FZD6: variants seen among roughly 807,000 people sequenced by gnomAD.
FZD6 encodes the protein frizzled class receptor 6, also known as frizzled-6.
A neutral mutation model predicts 61.4 loss-of-function variants in FZD6; 49 were observed. The observed-to-expected ratio is 0.80, with a 90% CI of 0.63 to 1.01. The LOEUF is 1.01. Among genes scored for constraint, FZD6 ranks in the 50% least tolerant of loss-of-function variants. The probability of loss-of-function intolerance (pLI) is 0.00; values close to 1 mark genes in which losing one functional copy is unlikely to be tolerated. For synonymous variants in FZD6, 265 were observed against 292.2 expected, an observed-to-expected ratio of 0.91 and a Z score of 0.95; for missense variants, 724 against 848.2, an observed-to-expected ratio of 0.85 and a Z score of 1.82.
chr8:103,300,510 GAA>G (rs1563682860), intron 2 of FZD6, among the ~76,000 whole-genome samples: 1 of 152,116 alleles, frequency 6.6e-6, no homozygotes, highest in Non-Finnish European at 1.5e-5. Flanking sequence ...TTTATATAAT[GAA>G]GTATGGTTAC....
At chr8:103,327,527 C>T (rs1443167823) in intron 4 of FZD6, among the ~76,000 whole-genome samples, 3 of 151,996 alleles carry the variant, frequency 2.0e-5, no homozygotes, top group East Asian at 3.8e-4. Flanking sequence ...ACGCGGGAGG[C>T]GGAGGTTGTA....
intron 2 of FZD6, among the ~76,000 whole-genome samples, chr8:103,308,067 C>T (rs1814391283): frequency 6.6e-6 from 1 of 152,162 alleles, no homozygotes; most frequent in Non-Finnish European, 1.5e-5. Context: ...TCAGCAGTAG[C>T]CAGATCACCC....
At position 103,300,233 on chromosome 8, in the gene FZD6, C is replaced by T. The variant is rs1814119082; in HGVS notation, c.126C>T (p.Phe42=). 2 of 1,612,114 alleles carry T rather than the reference C, an allele frequency of 1.2e-6. No homozygotes were observed. The highest frequency in any genetic ancestry group is 1.7e-6 in the Non-Finnish European group (2 of 1,178,196). ...CMKMAYNMTF[F]PNLMGHYDQS... is the part of the protein sequence containing the mutation. ...AAATGGCCTACAACATGACGTTTTT[C>T]CCTAATCTGATGGGTCATTATGACC... The change falls in exon 2 of 7, where the codon TTC becomes TTT. Residue 42 remains phenylalanine, a synonymous_variant. Coordinates refer to ENST00000358755, the MANE Select transcript of FZD6 (RefSeq NM_003506.4).
chr8:103,306,305 A>G (rs986990933), intron 2 of FZD6, among the ~76,000 whole-genome samples: 1 of 152,096 alleles, frequency 6.6e-6, no homozygotes, highest in Non-Finnish European at 1.5e-5. Flanking sequence ...CCTGAGATTG[A>G]TCACATTCGT....
Position 103,300,299 on chromosome 8 carries a change from A to C in FZD6, c.177+15A>C. On this transcript the variant is annotated intron_variant, in intron 2 of 6. Transcript: ENST00000358755. ...TGGAAATGGAGGTGAGTAGTGCTTC[A>C]TACGTTTATTGAATAGTAGTTTATG... 1 of 1,550,070 alleles carries C rather than the reference A, an allele frequency of 6.5e-7. No individual in the cohort carries two copies.
chr8:103,300,904 T>C (rs1384951387), intron 2 of FZD6, among the ~76,000 whole-genome samples: 1 of 152,178 alleles, frequency 6.6e-6, no homozygotes, highest in Non-Finnish European at 1.5e-5. Context: ...CTTAGTTACC[T>C]GTCTCTGGTT....
chr8:103,321,685 G>A (rs1387409823), intron 3 of FZD6, among the ~76,000 whole-genome samples: 2 of 152,216 alleles, frequency 1.3e-5, no homozygotes, highest in African/African-American at 2.4e-5. Flanking sequence ...ATTCTTTGAG[G>A]TCTGTAGTTT....
intron 3 of FZD6, among the ~76,000 whole-genome samples, chr8:103,322,447 C>T (rs947464943): frequency 2.0e-5 from 3 of 151,652 alleles, no homozygotes; most frequent in African/African-American, 4.8e-5. Flanking sequence ...TGGACCTTTC[C>T]GTGATAGTGA....
Position 103,331,464 on chromosome 8 carries a change from A to G in FZD6, c.2076A>G (p.Ser692=). The part of the protein sequence containing the change: ...GSTSLLVHPV[S]GVRKEQGGGC... ...CATCTCTGCTTGTTCACCCGGTTTCAGGAGTGAGAAAAGAGCAGGGAGGTG... is the reference window on the plus strand; with the variant it reads ...CATCTCTGCTTGTTCACCCGGTTTCGGGAGTGAGAAAAGAGCAGGGAGGTG... The change falls in exon 7 of 7, where the codon TCA becomes TCG. Residue 692 remains serine, a synonymous_variant. Transcript: ENST00000358755. 6.2e-7 allele frequency: 1 copy of G among 1,612,148 alleles called. No individual in the cohort carries two copies. The highest frequency in any genetic ancestry group is 8.5e-7 in the Non-Finnish European group (1 of 1,178,196).
At chr8:103,298,711 T>C (rs914195536), upstream of FZD6, 1 of 150,900 alleles carries the variant, frequency 6.6e-6, no homozygotes, top group African/African-American at 2.4e-5. Context: ...GGCCGGGTCC[T>C]GGCGGGCCGC....
chr8:103,330,216 T>C (rs1815083267), intron 6 of FZD6, 151 bp downstream of exon 6: 1 of 697,934 alleles, frequency 1.4e-6, no homozygotes, highest in Non-Finnish European at 2.5e-6. Flanking sequence ...ATAAATATGC[T>C]ATTTAGTAGT....
chr8:103,303,199 G>A (rs975034884), intron 2 of FZD6, among the ~76,000 whole-genome samples: 27 of 152,052 alleles, frequency 1.8e-4, no homozygotes, highest in African/African-American at 6.0e-4. Context: ...TTCCCACATT[G>A]CACACTCTGC....
At position 103,300,274 on chromosome 8, in the gene FZD6, T is replaced by G; in HGVS notation, c.167T>G (p.Val56Gly). Residue 56 changes from valine (V) to glycine (G), a missense_variant, in exon 2 of 7, where the codon GTG (valine) becomes GGG (glycine). Val to Gly is a moderately radical substitution (Grantham distance 109). Coordinates refer to ENST00000358755, the MANE Select transcript of FZD6 (RefSeq NM_003506.4). ...MGHYDQSIAA[V>G]EMEHFLPLAN... ...CATTATGACCAGAGTATTGCCGCGG[T>G]GGAAATGGAGGTGAGTAGTGCTTCA... The G allele has an allele frequency of 1.2e-6, 2 of 1,605,950 alleles. No individual in the cohort carries two copies. The highest frequency in any genetic ancestry group is 1.7e-6 in the Non-Finnish European group (2 of 1,172,616).
intron 3 of FZD6, among the ~76,000 whole-genome samples, chr8:103,321,139 C>T (rs1283951810): frequency 5.9e-5 from 9 of 152,178 alleles, no homozygotes; most frequent in Admixed American, 5.2e-4. Context: ...GGCACCTATG[C>T]TTAATTTCTA....
chr8:103,300,395 A>C, intron 2 of FZD6, 111 bp downstream of exon 2: 1 of 868,130 alleles, frequency 1.2e-6, no homozygotes. Context: ...AGTTGTGTAC[A>C]AGTTGTGTTT....
chr8:103,313,226 G>C (rs542608574), intron 2 of FZD6, among the ~76,000 whole-genome samples: 5 of 152,304 alleles, frequency 3.3e-5, no homozygotes, highest in African/African-American at 1.2e-4. Context: ...ACAGTGCCTG[G>C]TTTATGGTAA....
intron 4 of FZD6, among the ~76,000 whole-genome samples, chr8:103,327,318 G>C (rs567754191): frequency 6.6e-6 from 1 of 152,312 alleles, no homozygotes; most frequent in East Asian, 1.9e-4. Context: ...GCTCTGGCCG[G>C]GTGCGGTGGC....
chr8:103,306,101 A>G (rs886796119), intron 2 of FZD6, among the ~76,000 whole-genome samples: 2 of 152,242 alleles, frequency 1.3e-5, no homozygotes, highest in Non-Finnish European at 2.9e-5. Flanking sequence ...TGTAGTATCA[A>G]TCAGTTAATA....
At chr8:103,316,194 T>A (rs1175784625) in intron 2 of FZD6, among the ~76,000 whole-genome samples, 1 of 152,220 alleles carries the variant, frequency 6.6e-6, no homozygotes, top group Non-Finnish European at 1.5e-5. Flanking sequence ...ACACAGTAGT[T>A]GTATTTTCAT....
Sources: allele counts gnomAD v4.1 joint callset (sites outside exome capture counted in the v4.1 genomes callset), GRCh38; gene constraint gnomAD v4.1.1; transcripts MANE v1.5; gene names NCBI Gene and HGNC (gene_info 2026-07-23, HGNC 2026-07-21).